The following ERO1B variants were observed in gnomAD, a reference collection of about 807,000 sequenced individuals.
ERO1B encodes endoplasmic reticulum oxidoreductase 1 beta.
In ERO1B, 49 loss-of-function variants were observed where a neutral mutation model predicts 75.3. The ratio of observed to expected loss-of-function variants is 0.65; its 90% CI spans 0.52 to 0.83. The LOEUF is 0.83. ERO1B is among the 40% of genes least tolerant of loss of function. ERO1B has a pLI of 0.00. For synonymous variants in ERO1B, 191 were observed against 192.9 expected (o/e 0.99, Z 0.08); for missense variants, 512 against 560.1 (o/e 0.91, Z 0.87).
chr1:236,246,805 G>A (rs1303413859), intron 5 of ERO1B, among the ~76,000 whole-genome samples: 4 of 152,176 alleles, frequency 2.6e-5, no homozygotes, highest in Non-Finnish European at 5.9e-5. Context: ...TGGCTATAGA[G>A]TTGGGTTCAC....
intron 2 of ERO1B, among the ~76,000 whole-genome samples, chr1:236,263,778 CTTTTTTTTTTTTT>C: frequency 5.0e-5 from 4 of 80,296 alleles, no homozygotes; most frequent in Admixed American, 1.2e-4. Flanking sequence ...ATTTTGTTTG[CTTTTTTTTTTTTT>C]TTTTTTTTTT....
At chr1:236,223,750 AT>A (rs1435130349) in intron 13 of ERO1B, among the ~76,000 whole-genome samples, 3 of 152,210 alleles carry the variant, frequency 2.0e-5, no homozygotes, top group African/African-American at 7.2e-5. Context: ...CATTCTGAAG[AT>A]TAAAAGTAGA....
intron 2 of ERO1B, among the ~76,000 whole-genome samples, chr1:236,258,178 G>A (rs916444192): frequency 9.9e-5 from 13 of 131,932 alleles, no homozygotes; most frequent in Non-Finnish European, 1.3e-4. Context: ...GCCAGATCCA[G>A]GAAGTTCAAT....
intron 2 of ERO1B, among the ~76,000 whole-genome samples, chr1:236,264,411 CT>C (rs1001879908): frequency 3.3e-5 from 5 of 152,290 alleles, no homozygotes; most frequent in South Asian, 4.1e-4. Context: ...GCCCAGACAA[CT>C]TTTTTCATTT....
rs749806725 is a variant in ERO1B, at chr1:236,220,924, T to G, written c.1251A>C (p.Glu417Asp). Residue 417 changes from glutamate (E) to aspartate (D), a missense_variant, in exon 15 of 16, where the codon GAA (glutamate) becomes GAC (aspartate). By Grantham distance (45) the Glu-to-Asp change is conservative. Transcript: ENST00000354619. ...TCTCTGGAAGCTTTTGGATTTCTTT[T>G]TCAGAGAATAATATCTTCAGGGCAG... ...LGTALKILFS[E>D]KEIQKLPENS... 6.2e-7 allele frequency: 1 copy of G among 1,603,340 alleles called. No homozygotes were observed. The highest frequency in any genetic ancestry group is 2.3e-5 in the East Asian group (1 of 44,410).
At chr1:236,277,407 A>G (rs763062472) in intron 1 of ERO1B, among the ~76,000 whole-genome samples, 15 of 138,010 alleles carry the variant, frequency 1.1e-4, no homozygotes, top group East Asian at 2.0e-4. Flanking sequence ...CTACTCCAGG[A>G]AAAAAAAAAA....
chr1:236,221,859 A>G, intron 14 of ERO1B, 65 bp downstream of exon 14: 1 of 1,190,260 alleles, frequency 8.4e-7, no homozygotes, highest in South Asian at 1.3e-5. Flanking sequence ...TTTAATAAAA[A>G]GCTTGGACTC....
At chr1:236,234,830 T>A (rs949237789) in intron 8 of ERO1B, among the ~76,000 whole-genome samples, 6 of 152,174 alleles carry the variant, frequency 3.9e-5, no homozygotes, top group African/African-American at 1.4e-4. Context: ...CTCCCAGGGT[T>A]TGGTTCCTCA....
intron 4 of ERO1B, 151 bp from the exon 5 acceptor site, chr1:236,250,118 A>G: frequency 2.1e-6 from 1 of 474,826 alleles, no homozygotes. Context: ...AGAAATACAA[A>G]TGAAAATGAG....
rs1664283010 is a variant in ERO1B, at chr1:236,226,481, A to C, written c.840T>G (p.Ile280Met). The C allele has an allele frequency of 6.2e-7, 1 of 1,614,068 alleles. No homozygotes were observed. The highest frequency in any genetic ancestry group is 1.3e-5 in the African/African-American group (1 of 75,036). The change falls in exon 12 of 16, where the codon ATT becomes ATG. Residue 280 changes from isoleucine to methionine, a missense_variant. By Grantham distance (10) the Ile-to-Met change is conservative. Transcript: ENST00000354619. Reference protein sequence around the residue: ...TWGKPSWGPNIKEFKHRFDPV... With the variant: ...TWGKPSWGPNMKEFKHRFDPV... Reference sequence around the variant, plus strand: ...GGTCAAAGCGGTGTTTGAATTCTTTAATATTAGGTCCCCAACTGGGCTTAC... The same window carrying C: ...GGTCAAAGCGGTGTTTGAATTCTTTCATATTAGGTCCCCAACTGGGCTTAC...
intron 6 of ERO1B, among the ~76,000 whole-genome samples, chr1:236,241,795 G>A (rs6663378): frequency 0.16 from 24,405 of 151,890 alleles, 2,116 homozygotes; most frequent in African/African-American, 0.22. Context: ...ACGGCCAGGT[G>A]CAGTGGCTCA....
Position 236,281,867 on chromosome 1 carries a change from G to T in ERO1B, c.-84C>A. 2.0e-6 allele frequency: 2 copies of T among 1,022,636 alleles called. No homozygotes were observed. Among genetic ancestry groups the T allele is most frequent in the Non-Finnish European group, 2.6e-6 (2 of 777,308 alleles). The allele number at this position is 1,022,636 out of a possible 1,614,324, so 63.3% of individuals were successfully genotyped here. On this transcript the variant is annotated 5_prime_UTR_variant, in exon 1 of 16. Transcript: ENST00000354619. ...GGCCCAGGCGACGACCCAAGGGGAC[G>T]GTTCCCAGCGGCCGAGCGACTCCAG...
chr1:236,237,867 G>A (rs1664580986), intron 6 of ERO1B, among the ~76,000 whole-genome samples: 1 of 152,118 alleles, frequency 6.6e-6, no homozygotes, highest in South Asian at 2.1e-4. Flanking sequence ...TTGAGACAGA[G>A]TCTTGCTTTG....
chr1:236,249,902 T>G lies in ERO1B; in HGVS notation c.414A>C (p.Ala138=), dbSNP rs766143103. The change falls in exon 5 of 16, where the codon GCA becomes GCC. Residue 138 remains alanine (A), a synonymous_variant. Coordinates refer to ENST00000354619, the MANE Select transcript of ERO1B (RefSeq NM_019891.4). ...AAACTTGCCTTAATGTGCTGTTAATTGCTCCCAGTTTATTAGCTTGCTCAC... is the reference window on the plus strand; with the variant it reads ...AAACTTGCCTTAATGTGCTGTTAATGGCTCCCAGTTTATTAGCTTGCTCAC... The part of the protein sequence containing the change: ...EDCEQANKLG[A]INSTLSNQSK... 4 of 1,594,766 alleles carry G rather than the reference T, an allele frequency of 2.5e-6. No homozygotes were observed. The African/African-American group carries it at 4.0e-5, about 16-fold the overall frequency.
At chr1:236,252,777 G>A (rs3754242) in intron 3 of ERO1B, among the ~76,000 whole-genome samples, 7,913 of 152,148 alleles carry the variant, frequency 0.052, 573 homozygotes, top group East Asian at 0.39. Context: ...CCTTTAGGAA[G>A]GACATTGGTA....
intron 1 of ERO1B, among the ~76,000 whole-genome samples, chr1:236,273,649 T>C (rs945910760): frequency 2.5e-4 from 38 of 151,450 alleles, no homozygotes; most frequent in African/African-American, 8.5e-4. Context: ...TCTACAAAAG[T>C]ACAAAAATTA....
chr1:236,266,718 A>T (rs1257982950), intron 2 of ERO1B, among the ~76,000 whole-genome samples: 1 of 152,080 alleles, frequency 6.6e-6, no homozygotes, highest in African/African-American at 2.4e-5. Flanking sequence ...GAGTATATTG[A>T]GTAGAGTATA....
intron 5 of ERO1B, among the ~76,000 whole-genome samples, chr1:236,246,450 GCATGAGCCAC>G (rs929068218): frequency 1.3e-5 from 2 of 152,000 alleles, no homozygotes; most frequent in African/African-American, 2.4e-5. Context: ...GGGATTACAG[GCATGAGCCAC>G]CATGTCCAAC....
chr1:236,270,770 T>C (rs1665570836), intron 1 of ERO1B, among the ~76,000 whole-genome samples: 2 of 152,218 alleles, frequency 1.3e-5, no homozygotes, highest in East Asian at 1.9e-4. Context: ...ACACACTATA[T>C]GATTCCATTT....
Sources: gnomAD v4.1 joint callset for allele counts (sites outside exome capture counted in the v4.1 genomes callset) on GRCh38, gnomAD v4.1.1 for gene constraint, MANE v1.5 for transcripts, NCBI Gene and HGNC (gene_info 2026-07-23, HGNC 2026-07-21) for gene names.